Variants in LYRM4 observed in about 807,000 individuals in gnomAD.
The protein encoded by LYRM4 is LYR motif-containing protein 4.
In LYRM4, 9 loss-of-function variants were observed where a neutral mutation model predicts 11.7. The observed-to-expected ratio is 0.77, with a 90% CI of 0.46 to 1.34. The LOEUF (loss-of-function observed/expected upper bound fraction) is 1.34, where lower values mean the gene tolerates loss of function less well. Ranked by LOEUF, LYRM4 falls within the 40% of genes most tolerant of loss-of-function variation. LYRM4 has a pLI of 0.00. For missense variants in LYRM4, 133 were observed against 112.5 expected (o/e 1.18, Z -0.82); for synonymous variants, 42 against 40.4 (o/e 1.04, Z -0.15).
the LYRM4 span, chr6:5,085,320 G>A: frequency 5.4e-6 from 3 of 552,768 alleles, no homozygotes; most frequent in African/African-American, 2.0e-5. Flanking sequence ...GCTAAAAGCC[G>A]GAGGCTCCAA....
intron 2 of LYRM4, among the ~76,000 whole-genome samples, chr6:5,172,600 G>T (rs969686535): frequency 2.6e-4 from 39 of 152,082 alleles, no homozygotes; most frequent in African/African-American, 9.2e-4. Context: ...GCAAAGGGAG[G>T]ACCACACAAA....
the LYRM4 span, among the ~76,000 whole-genome samples, chr6:5,044,566 T>C: frequency 6.6e-6 from 1 of 152,158 alleles, no homozygotes; most frequent in East Asian, 1.9e-4. Flanking sequence ...CCCTCTGACG[T>C]GTTTGTTGGA....
intron 2 of LYRM4, among the ~76,000 whole-genome samples, chr6:5,201,037 G>C (rs1761362215): frequency 6.6e-6 from 1 of 152,056 alleles, no homozygotes; most frequent in South Asian, 2.1e-4. Flanking sequence ...ATTTTTTGTG[G>C]GGGAGTGAAT....
chr6:5,176,600 T>C (rs950953620), intron 2 of LYRM4, among the ~76,000 whole-genome samples: 1 of 152,194 alleles, frequency 6.6e-6, no homozygotes, highest in East Asian at 1.9e-4. Flanking sequence ...TTTCATAGAC[T>C]GCACCCTGAT....
chr6:5,109,283 A>G lies in LYRM4; in HGVS notation c.*140T>C. The G allele has an allele frequency of 6.5e-7, 1 of 1,527,470 alleles. No homozygotes were observed. The highest frequency in any genetic ancestry group is 1.3e-5 in the South Asian group (1 of 77,198). The allele number at this position is 1,527,470 out of a possible 1,614,324, so 94.6% of individuals were successfully genotyped here. A position where few individuals can be genotyped will look rare whatever the true frequency, so the allele number is the denominator to read the frequency against. ...TCACTAAGCCTGCAACAGAATGCAA[A>G]TGTGACTTGGTTTATCAGCTCCCAC... On this transcript the variant is annotated 3_prime_UTR_variant, in exon 3 of 3. Coordinates refer to ENST00000330636, the MANE Select transcript of LYRM4 (RefSeq NM_020408.6).
the LYRM4 span, chr6:5,086,615 C>T: frequency 2.9e-6 from 4 of 1,370,898 alleles, no homozygotes; most frequent in Non-Finnish European, 3.9e-6. Context: ...ACGTGGAGCT[C>T]GGGCTGCCGC....
intron 1 of LYRM4, among the ~76,000 whole-genome samples, chr6:5,220,831 G>C (rs555708186): frequency 2.0e-5 from 3 of 152,094 alleles, no homozygotes; most frequent in Non-Finnish European, 4.4e-5. Flanking sequence ...CAGACCTCCA[G>C]TTTTAGGTTT....
intron 1 of LYRM4, among the ~76,000 whole-genome samples, chr6:5,225,860 CAA>C (rs1762861652): frequency 6.6e-6 from 1 of 152,258 alleles, no homozygotes; most frequent in Admixed American, 6.5e-5. Context: ...AGTGCATCAT[CAA>C]ACTTTTTGAT....
At chr6:5,131,167 AC>A (rs2127613022) in intron 2 of LYRM4, among the ~76,000 whole-genome samples, 1 of 152,356 alleles carries the variant, frequency 6.6e-6, no homozygotes, top group African/African-American at 2.4e-5. Context: ...AAACCTTCAA[AC>A]TAAATAATGA....
chr6:5,250,333 T>G (rs1490474664), intron 1 of LYRM4, among the ~76,000 whole-genome samples: 1 of 152,190 alleles, frequency 6.6e-6, no homozygotes, highest in Non-Finnish European at 1.5e-5. Flanking sequence ...CACGCAGATC[T>G]AATAACTTTT....
chr6:5,182,598 C>T (rs770397081), intron 2 of LYRM4, among the ~76,000 whole-genome samples: 5 of 152,214 alleles, frequency 3.3e-5, no homozygotes, highest in Non-Finnish European at 7.3e-5. Flanking sequence ...ATATCATACA[C>T]ATCTCTCTCT....
At chr6:5,212,851 C>T (rs1247745877) in intron 2 of LYRM4, among the ~76,000 whole-genome samples, 1 of 152,080 alleles carries the variant, frequency 6.6e-6, no homozygotes, top group African/African-American at 2.4e-5. Flanking sequence ...CTGAGTGGGC[C>T]ATAATCATGG....
At chr6:5,059,801 C>CTT in the LYRM4 span, among the ~76,000 whole-genome samples, 123 of 143,930 alleles carry the variant, frequency 8.5e-4, 1 homozygote, top group Non-Finnish European at 7.5e-4. Context: ...GTTAATCTGC[C>CTT]TTTTTTTTTT....
chr6:5,086,081 C>T, the LYRM4 span: 1 of 1,467,988 alleles, frequency 6.8e-7, no homozygotes, highest in African/African-American at 1.5e-5. Context: ...CGGCTCCGGC[C>T]GCTCTTCCAG....
chr6:5,066,955 G>T, the LYRM4 span: 1 of 1,060,784 alleles, frequency 9.4e-7, no homozygotes, highest in Non-Finnish European at 1.3e-6. Context: ...CTCAGCCGAG[G>T]AGGAAATCCG....
chr6:5,157,022 C>G (rs955809872), intron 2 of LYRM4, among the ~76,000 whole-genome samples: 10 of 152,178 alleles, frequency 6.6e-5, no homozygotes, highest in Non-Finnish European at 1.2e-4. Flanking sequence ...TAAAGCAATG[C>G]TAAGCCCACT....
intron 2 of LYRM4, among the ~76,000 whole-genome samples, chr6:5,213,606 T>A (rs530634414): frequency 3.3e-5 from 5 of 152,210 alleles, no homozygotes; most frequent in African/African-American, 1.2e-4. Flanking sequence ...GTATCACAAC[T>A]CCATGAGGGT....
intron 2 of LYRM4, among the ~76,000 whole-genome samples, chr6:5,116,038 A>C (rs1445490807): frequency 6.6e-6 from 1 of 152,150 alleles, no homozygotes. Flanking sequence ...ACAGTGCCAG[A>C]CACATAGGAA....
chr6:5,218,336 G>T, intron 1 of LYRM4: 1 of 984,690 alleles, frequency 1.0e-6, no homozygotes. Context: ...ATGAGAGGAG[G>T]GGATATAAAT....
Sources: allele counts gnomAD v4.1 joint callset (sites outside exome capture counted in the v4.1 genomes callset), GRCh38; gene constraint gnomAD v4.1.1; transcripts MANE v1.5; gene names NCBI Gene and HGNC (gene_info 2026-07-23, HGNC 2026-07-21).